The following MAP3K5 variants were observed in gnomAD, a reference collection of about 807,000 sequenced individuals.
The protein encoded by MAP3K5 is mitogen-activated protein kinase kinase kinase 5.
A neutral mutation model predicts 158.7 loss-of-function variants in MAP3K5; 56 were observed. The ratio of observed to expected loss-of-function variants is 0.35; its 90% CI spans 0.28 to 0.44. The LOEUF is 0.44. MAP3K5 is among the 20% of genes least tolerant of loss of function. The probability of loss-of-function intolerance (pLI) is 1.00; values close to 1 mark genes in which losing one functional copy is unlikely to be tolerated. For synonymous variants in MAP3K5, 579 were observed against 601.7 expected, an observed-to-expected ratio of 0.96 and a Z score of 0.55; for missense variants, 1,294 against 1,674.8, an observed-to-expected ratio of 0.77 and a Z score of 3.97.
At chr6:136,707,553 T>G in intron 2 of MAP3K5, among the ~76,000 whole-genome samples, 1 of 142,248 alleles carries the variant, frequency 7.0e-6, no homozygotes, top group East Asian at 2.1e-4. Flanking sequence ...ATTAAAGAGG[T>G]ACTTGGGGGG....
At chr6:136,666,288 C>A (rs1326776098) in intron 8 of MAP3K5, among the ~76,000 whole-genome samples, 1 of 152,192 alleles carries the variant, frequency 6.6e-6, no homozygotes, top group African/African-American at 2.4e-5. Context: ...AGTTAAGAAT[C>A]ATTTCTTACA....
intron 12 of MAP3K5, among the ~76,000 whole-genome samples, chr6:136,640,206 A>T (rs1777859749): frequency 6.6e-6 from 1 of 152,208 alleles, no homozygotes; most frequent in African/African-American, 2.4e-5. Context: ...GTTTTATGCC[A>T]GGGATTGGCA....
At chr6:136,574,252 A>G (rs1774498230) in intron 25 of MAP3K5, among the ~76,000 whole-genome samples, 1 of 152,160 alleles carries the variant, frequency 6.6e-6, no homozygotes, top group Non-Finnish European at 1.5e-5. Flanking sequence ...TCTTTAACAC[A>G]GAGTATTTCT....
intron 2 of MAP3K5, among the ~76,000 whole-genome samples, chr6:136,710,370 C>T (rs1015530099): frequency 1.3e-5 from 2 of 152,174 alleles, no homozygotes; most frequent in African/African-American, 2.4e-5. Flanking sequence ...CAACTCCATA[C>T]TTGTCTGAGG....
intron 1 of MAP3K5, among the ~76,000 whole-genome samples, chr6:136,778,937 G>A (rs150843523): frequency 3.3e-5 from 5 of 152,222 alleles, no homozygotes; most frequent in Non-Finnish European, 4.4e-5. Context: ...GGACAGATGC[G>A]GGAGGATCAC....
rs1780641599 is a variant in MAP3K5 at position 136,697,320 on chromosome 6, A to G, written c.874T>C (p.Leu292=). ...CGAATTCTTGCCAACTCAGCTGCCAATTCTTTACCAGTGTATAAATTACGA... is the reference window on the plus strand; with the variant it reads ...CGAATTCTTGCCAACTCAGCTGCCAGTTCTTTACCAGTGTATAAATTACGA... The part of the protein sequence containing the change: ...KARNLYTGKE[L]AAELARIRQR... The change falls in exon 5 of 30, where the codon TTG becomes CTG. Residue 292 remains leucine, a synonymous_variant. Coordinates refer to ENST00000359015, the MANE Select transcript of MAP3K5 (RefSeq NM_005923.4). 7 of 1,613,666 alleles carry G rather than the reference A, an allele frequency of 4.3e-6. No individual in the cohort carries two copies. The highest frequency in any genetic ancestry group is 5.9e-6 in the Non-Finnish European group (7 of 1,179,806).
rs12524401 is a variant in MAP3K5, at chr6:136,596,331, A to G, written c.2879-3717T>C. ...GCTGAGAGCCACTGAGAAGTTGAGT[A>G]GGTTGAGAAAGGCACTTGTTGGATT... On this transcript the variant is annotated intron_variant, in intron 21 of 29. Transcript: ENST00000359015. 0.012 allele frequency among the ~76,000 whole-genome samples: 1,860 copies of G among 152,298 alleles called. 92 individuals carry two copies. The East Asian group carries it at 0.14, about 11-fold the overall frequency.
intron 6 of MAP3K5, among the ~76,000 whole-genome samples, chr6:136,695,440 G>A (rs1420750323): frequency 6.6e-6 from 1 of 152,056 alleles, no homozygotes; most frequent in African/African-American, 2.4e-5. Flanking sequence ...CGCCCAGCCT[G>A]TGAAATATGT....
At chr6:136,716,904 T>A (rs1267009810) in intron 2 of MAP3K5, among the ~76,000 whole-genome samples, 1 of 152,198 alleles carries the variant, frequency 6.6e-6, no homozygotes, top group African/African-American at 2.4e-5. Flanking sequence ...ACGCCTGTGA[T>A]CCCAGCACTT....
intron 2 of MAP3K5, among the ~76,000 whole-genome samples, chr6:136,710,599 T>C (rs1409841225): frequency 3.3e-5 from 5 of 152,156 alleles, no homozygotes; most frequent in Admixed American, 2.0e-4. Flanking sequence ...AAATGGAGTA[T>C]TTCCACCACT....
chr6:136,771,848 T>C (rs1431431890), intron 1 of MAP3K5, among the ~76,000 whole-genome samples: 1 of 152,184 alleles, frequency 6.6e-6, no homozygotes, highest in Admixed American at 6.5e-5. Flanking sequence ...TGAAAATCCA[T>C]GTTTCCAACC....
chr6:136,732,163 G>A (rs1198368883), intron 1 of MAP3K5, among the ~76,000 whole-genome samples: 2 of 152,124 alleles, frequency 1.3e-5, no homozygotes, highest in Non-Finnish European at 1.5e-5. Context: ...AGTGGCTCAC[G>A]TCTGTAATCC....
intron 15 of MAP3K5, among the ~76,000 whole-genome samples, chr6:136,618,292 G>T (rs1383399608): frequency 1.3e-5 from 2 of 152,178 alleles, no homozygotes; most frequent in Non-Finnish European, 2.9e-5. Context: ...AAACAACTTT[G>T]TTTGCTGTAT....
intron 1 of MAP3K5, among the ~76,000 whole-genome samples, chr6:136,746,858 C>T (rs561149129): frequency 6.6e-6 from 1 of 152,238 alleles, no homozygotes; most frequent in African/African-American, 2.4e-5. Flanking sequence ...AATTACACTT[C>T]TTGTTAGAAT....
chr6:136,690,511 T>C (rs547357216), intron 7 of MAP3K5, among the ~76,000 whole-genome samples: 25 of 152,316 alleles, frequency 1.6e-4, no homozygotes, highest in Middle Eastern at 3.4e-3. Context: ...TGGCTAACAA[T>C]TGATATTGTC....
chr6:136,604,018 A>C (rs896544832), intron 19 of MAP3K5, among the ~76,000 whole-genome samples: 2 of 152,204 alleles, frequency 1.3e-5, no homozygotes, highest in Admixed American at 1.3e-4. Context: ...GAGGAATAAC[A>C]ATTACCATCA....
intron 8 of MAP3K5, among the ~76,000 whole-genome samples, chr6:136,664,353 G>C (rs1253536468): frequency 6.6e-6 from 1 of 152,072 alleles, no homozygotes; most frequent in Non-Finnish European, 1.5e-5. Flanking sequence ...ACATTATGGA[G>C]AGTTGTATAA....
chr6:136,567,896 G>T, intron 25 of MAP3K5, 22 bp from the exon 26 acceptor site: 1 of 1,608,626 alleles, frequency 6.2e-7, no homozygotes, highest in Non-Finnish European at 8.5e-7. Flanking sequence ...AATATCAGTG[G>T]TAGTGTTTAT....
chr6:136,726,228 C>G (rs1315392364), intron 1 of MAP3K5, among the ~76,000 whole-genome samples: 2 of 152,122 alleles, frequency 1.3e-5, no homozygotes, highest in Non-Finnish European at 2.9e-5. Context: ...CCAAAAAATC[C>G]TGGGATTTTG....
Sources: allele counts gnomAD v4.1 joint callset (sites outside exome capture counted in the v4.1 genomes callset), GRCh38; gene constraint gnomAD v4.1.1; transcripts MANE v1.5; gene names NCBI Gene and HGNC (gene_info 2026-07-23, HGNC 2026-07-21).